The following NSMCE1 variants were observed in gnomAD, a reference collection of about 807,000 sequenced individuals.
The protein encoded by NSMCE1 is non-structural maintenance of chromosomes element 1 homolog.
A neutral mutation model predicts 29.6 loss-of-function variants in NSMCE1; 18 were observed. The ratio of observed to expected loss-of-function variants is 0.61; its 90% confidence interval spans 0.42 to 0.90. NSMCE1 has a LOEUF of 0.90. Ranked by LOEUF, NSMCE1 falls within the 40% of genes least tolerant of loss-of-function variation. The pLI, the probability that NSMCE1 is intolerant of heterozygous loss-of-function variation, is 0.00. For synonymous variants in NSMCE1, 124 were observed against 133.4 expected (o/e 0.93, Z 0.49); for missense variants, 314 against 343.6 (o/e 0.91, Z 0.68).
intron 2 of NSMCE1, among the ~76,000 whole-genome samples, chr16:27,255,774 C>T (rs1183803325): frequency 6.6e-6 from 1 of 152,206 alleles, no homozygotes; most frequent in African/African-American, 2.4e-5. Flanking sequence ...CACTGCTCAC[C>T]TCTCTGGGAT....
chr16:27,267,062 G>C (rs1379637890), intron 1 of NSMCE1, among the ~76,000 whole-genome samples: 2 of 151,982 alleles, frequency 1.3e-5, no homozygotes, highest in Non-Finnish European at 2.9e-5. Flanking sequence ...AAATCCTAGT[G>C]TTTTAGCCAT....
At chr16:27,237,456 C>T (rs140934115) in intron 2 of NSMCE1, among the ~76,000 whole-genome samples, 2,009 of 152,334 alleles carry the variant, frequency 0.013, 23 homozygotes, top group Non-Finnish European at 0.021. Flanking sequence ...GCGTGGGAGC[C>T]GAGCTGTTCC....
intron 2 of NSMCE1, among the ~76,000 whole-genome samples, chr16:27,249,651 C>A (rs1773498356): frequency 6.6e-6 from 1 of 152,292 alleles, no homozygotes; most frequent in East Asian, 1.9e-4. Flanking sequence ...GACATGACTA[C>A]CACACTGTCT....
At position 27,257,509 on chromosome 16, in the gene NSMCE1, A is replaced by C; in HGVS notation, c.62T>G (p.Leu21Trp). The C allele has an allele frequency of 1.2e-6, 2 of 1,614,020 alleles. No individual in the cohort carries two copies. The highest frequency in any genetic ancestry group is 1.7e-6 in the Non-Finnish European group (2 of 1,179,956). ...CTCTAGCACGCCATGGGTCATCAGC[A>C]ACTGGAGGAAGCGCCGGTGGACATC... ...MTDVHRRFLQ[L>W]LMTHGVLEEW... Residue 21 changes from leucine (L) to tryptophan (W), a missense_variant, in exon 2 of 8, where the codon TTG becomes TGG. Physicochemically the swap from Leu to Trp is moderately conservative, Grantham distance 61 (BLOSUM62 -2). Coordinates refer to ENST00000361439, the MANE Select transcript of NSMCE1 (RefSeq NM_145080.4).
At chr16:27,259,355 T>C (rs770839885) in intron 1 of NSMCE1, among the ~76,000 whole-genome samples, 1 of 152,156 alleles carries the variant, frequency 6.6e-6, no homozygotes, top group Non-Finnish European at 1.5e-5. Flanking sequence ...ATCAACTTTA[T>C]TTCCTATCAC....
intron 1 of NSMCE1, among the ~76,000 whole-genome samples, chr16:27,261,274 C>T (rs2141011339): frequency 6.7e-6 from 1 of 149,040 alleles, no homozygotes; most frequent in East Asian, 2.0e-4. Context: ...TGAAAATAAG[C>T]ATATATCTAA....
chr16:27,257,414 G>A (rs958063392), intron 2 of NSMCE1, 21 bp downstream of exon 2: 1 of 1,595,228 alleles, frequency 6.3e-7, no homozygotes. Flanking sequence ...AGCGCCCTGG[G>A]AACAGGGAAA....
chr16:27,243,862 G>A (rs138787964), intron 2 of NSMCE1, among the ~76,000 whole-genome samples: 8 of 152,274 alleles, frequency 5.3e-5, no homozygotes, highest in Non-Finnish European at 1.2e-4. Context: ...TGTTGCCCAG[G>A]CTGGTCTCAA....
intron 1 of NSMCE1, among the ~76,000 whole-genome samples, chr16:27,261,195 A>G (rs1252549922): frequency 6.6e-6 from 1 of 151,122 alleles, no homozygotes; most frequent in African/African-American, 2.4e-5. Context: ...AAACTATAAA[A>G]AGAACTACAA....
intron 2 of NSMCE1, among the ~76,000 whole-genome samples, chr16:27,241,015 A>C (rs2083887875): frequency 6.6e-6 from 1 of 152,202 alleles, no homozygotes; most frequent in South Asian, 2.1e-4. Context: ...TGGAGACTGC[A>C]ATGAGCTATG....
chr16:27,225,583 CTTCTTCTAGGAT>C (rs2083680242), intron 7 of NSMCE1, 131 bp downstream of exon 7: 1 of 964,790 alleles, frequency 1.0e-6, no homozygotes, highest in Non-Finnish European at 1.5e-6. Context: ...CCTGCAGTGG[CTTCTTCTAGGAT>C]TCAAGCTGCT....
intron 2 of NSMCE1, among the ~76,000 whole-genome samples, chr16:27,236,321 CAG>C (rs1481477103): frequency 2.6e-5 from 3 of 116,738 alleles, no homozygotes; most frequent in African/African-American, 1.0e-4. Flanking sequence ...TTTTTTGAGA[CAG>C]AGTCTTGCTC....
chr16:27,264,578 T>C (rs2084198610), intron 1 of NSMCE1, among the ~76,000 whole-genome samples: 1 of 152,156 alleles, frequency 6.6e-6, no homozygotes, highest in Non-Finnish European at 1.5e-5. Context: ...GTTATCCATA[T>C]GTAAAAAAAT....
At chr16:27,236,952 TA>T (rs78040047) in intron 2 of NSMCE1, among the ~76,000 whole-genome samples, 43 of 144,768 alleles carry the variant, frequency 3.0e-4, no homozygotes, top group Middle Eastern at 3.6e-3. Flanking sequence ...TTCATAAAGT[TA>T]AAAAAAAAAA....
chr16:27,263,710 A>G (rs1228391954), intron 1 of NSMCE1, among the ~76,000 whole-genome samples: 1 of 152,266 alleles, frequency 6.6e-6, no homozygotes, highest in East Asian at 1.9e-4. Context: ...TTAAAAAAGC[A>G]TATGATCATC....
At chr16:27,251,505 A>G (rs1264560024) in intron 2 of NSMCE1, among the ~76,000 whole-genome samples, 2 of 152,134 alleles carry the variant, frequency 1.3e-5, no homozygotes, top group Non-Finnish European at 2.9e-5. Context: ...AAACACTGTT[A>G]GATTAGATTT....
At chr16:27,249,866 A>G (rs1403150732) in intron 2 of NSMCE1, among the ~76,000 whole-genome samples, 3 of 152,208 alleles carry the variant, frequency 2.0e-5, no homozygotes, top group African/African-American at 7.2e-5. Flanking sequence ...TTGATACCTT[A>G]ACAATACTGA....
intron 3 of NSMCE1, among the ~76,000 whole-genome samples, chr16:27,234,574 GA>G (rs2083798473): frequency 1.3e-5 from 2 of 152,252 alleles, no homozygotes; most frequent in Admixed American, 6.5e-5. Context: ...AAAGCACTGA[GA>G]AGTCTGATAG....
At chr16:27,228,195 G>A (rs1198277571) in intron 5 of NSMCE1, among the ~76,000 whole-genome samples, 1 of 152,196 alleles carries the variant, frequency 6.6e-6, no homozygotes, top group Non-Finnish European at 1.5e-5. Context: ...CGTTCGCTCT[G>A]GAACACCAGT....
Sources: gnomAD v4.1 joint callset for allele counts (sites outside exome capture counted in the v4.1 genomes callset) on GRCh38, gnomAD v4.1.1 for gene constraint, MANE v1.5 for transcripts, NCBI Gene and HGNC (gene_info 2026-07-23, HGNC 2026-07-21) for gene names.